Variants in WAC observed in about 807,000 individuals in gnomAD.
WAC encodes WW domain containing adaptor with coiled-coil.
In WAC, 11 loss-of-function variants were observed where a neutral mutation model predicts 79.6. That is an observed-to-expected ratio of 0.14 (90% CI 0.09 to 0.23). WAC has a LOEUF of 0.23. WAC is among the 10% of genes least tolerant of loss of function. The probability of loss-of-function intolerance (pLI) is 1.00; values close to 1 mark genes in which losing one functional copy is unlikely to be tolerated. For missense variants in WAC, 728 were observed against 773.5 expected (o/e 0.94, Z 0.70); for synonymous variants, 304 against 276.9 (o/e 1.10, Z -0.97).
At chr10:28,611,615 G>T (rs1161405157) in intron 9 of WAC, 159 bp from the exon 10 acceptor site, 1 of 1,239,224 alleles carries the variant, frequency 8.1e-7, no homozygotes, top group Non-Finnish European at 1.1e-6. Context: ...CCAGTGAGAA[G>T]GTCAGATTCT....
At chr10:28,608,557 GTTTTGTT>G (rs1363137111) in intron 8 of WAC, 126 bp downstream of exon 8, 1 of 1,123,590 alleles carries the variant, frequency 8.9e-7, no homozygotes. Context: ...ACTTTTTTTT[GTTTTGTT>G]TTTTGTTTTT....
At chr10:28,577,711 G>A (rs1470529526) in intron 3 of WAC, among the ~76,000 whole-genome samples, 1 of 152,122 alleles carries the variant, frequency 6.6e-6, no homozygotes, top group African/African-American at 2.4e-5. Context: ...TAAGTGAAGA[G>A]GGTATGATCA....
At chr10:28,560,367 G>C (rs1264653467) in intron 3 of WAC, among the ~76,000 whole-genome samples, 1 of 152,078 alleles carries the variant, frequency 6.6e-6, no homozygotes, top group Non-Finnish European at 1.5e-5. Flanking sequence ...TCGGGAGTTA[G>C]GAGTGTGTGT....
intron 13 of WAC, among the ~76,000 whole-genome samples, chr10:28,619,140 G>C (rs1271068064): frequency 6.6e-6 from 1 of 152,158 alleles, no homozygotes; most frequent in Non-Finnish European, 1.5e-5. Context: ...TTAGCCGGGC[G>C]TAAGGACAGG....
At chr10:28,566,740 GT>G (rs1417617036) in intron 3 of WAC, among the ~76,000 whole-genome samples, 1 of 152,098 alleles carries the variant, frequency 6.6e-6, no homozygotes, top group East Asian at 1.9e-4. Flanking sequence ...GCCCATTTTT[GT>G]TTTGTAAGTG....
At chr10:28,611,571 C>A in intron 9 of WAC, 6 of 1,276,394 alleles carry the variant, frequency 4.7e-6, no homozygotes, top group Non-Finnish European at 6.3e-6. Flanking sequence ...GGTGTGCTTA[C>A]CTCTGAACAC....
At chr10:28,575,773 T>G (rs751679387) in intron 3 of WAC, among the ~76,000 whole-genome samples, 2 of 152,244 alleles carry the variant, frequency 1.3e-5, no homozygotes, top group Non-Finnish European at 2.9e-5. Context: ...CTTTTCACTT[T>G]CTGGTAGTGT....
rs1420781170 is a variant in WAC, at chr10:28,608,790, T to TA, written c.1165+365dup. On this transcript the variant is annotated intron_variant, in intron 8 of 13. Transcript: ENST00000354911. ...GGTATTAAAACTTCTGGTATGTTTC[T>TA]AAAAAACCTGTATAAATAATTACTC... is the stretch of plus-strand genomic sequence containing the variant. Among the ~76,000 whole-genome samples the TA allele has an allele frequency of 9.9e-5, 15 of 152,272 alleles. 1 individual carries two copies. The highest frequency in any genetic ancestry group is 9.8e-4 in the Admixed American group (15 of 15,292).
chr10:28,586,575 A>G (rs939390710), intron 4 of WAC, among the ~76,000 whole-genome samples: 7 of 152,126 alleles, frequency 4.6e-5, no homozygotes, highest in Non-Finnish European at 8.8e-5. Flanking sequence ...GGTCCCAACT[A>G]CTTGGAAGGC....
In WAC at chr10:28,559,718, T is replaced by C. The variant is rs573302995; in HGVS notation, c.275-23681T>C. On this transcript the variant is annotated intron_variant, in intron 3 of 13. Transcript: ENST00000354911. Reference sequence around the variant, plus strand: ...GTTAAGGTGTCCAGCATATCATTGTTAGGTTAATTTACGGCTACTTGGTGT... The same window carrying C: ...GTTAAGGTGTCCAGCATATCATTGTCAGGTTAATTTACGGCTACTTGGTGT... Among the ~76,000 whole-genome samples, 53 of 152,290 alleles carry C rather than the reference T, an allele frequency of 3.5e-4. No individual in the cohort carries two copies. In the East Asian group the frequency reaches 6.8e-3, roughly 19 times the overall value.
intron 1 of WAC, 175 bp from the exon 2 acceptor site, chr10:28,533,822 CG>C: frequency 1.0e-6 from 1 of 1,001,562 alleles, no homozygotes; most frequent in Non-Finnish European, 1.4e-6. Context: ...CGCGGCATTT[CG>C]CCCTCTCCGG....
At chr10:28,581,140 T>C (rs1436879898) in intron 3 of WAC, among the ~76,000 whole-genome samples, 1 of 152,060 alleles carries the variant, frequency 6.6e-6, no homozygotes, top group Non-Finnish European at 1.5e-5. Context: ...AGGTACTCTT[T>C]GCCTTGCATG....
At chr10:28,595,472 T>C (rs1840312457) in intron 6 of WAC, among the ~76,000 whole-genome samples, 1 of 152,100 alleles carries the variant, frequency 6.6e-6, no homozygotes, top group Non-Finnish European at 1.5e-5. Context: ...AAGGAATCCT[T>C]AAAAAATGTG....
chr10:28,556,388 ATTTTTTTTT>A (rs764934182), intron 3 of WAC, among the ~76,000 whole-genome samples: 758 of 55,120 alleles, frequency 0.014, 17 homozygotes, highest in African/African-American at 0.043. Flanking sequence ...TGCCCATTAA[ATTTTTTTTT>A]TTTTTTTTTT....
intron 3 of WAC, among the ~76,000 whole-genome samples, chr10:28,552,624 C>A (rs1366514175): frequency 6.6e-6 from 1 of 152,084 alleles, no homozygotes; most frequent in African/African-American, 2.4e-5. Flanking sequence ...ATAGTCAGAA[C>A]TCTTTGAATA....
At chr10:28,596,670 A>C (rs575988108) in intron 7 of WAC, among the ~76,000 whole-genome samples, 1 of 152,340 alleles carries the variant, frequency 6.6e-6, no homozygotes, top group Admixed American at 6.5e-5. Context: ...GCAGTGTGAT[A>C]AAATTTGCAT....
At chr10:28,559,510 T>C (rs1838193201) in intron 3 of WAC, among the ~76,000 whole-genome samples, 1 of 152,128 alleles carries the variant, frequency 6.6e-6, no homozygotes. Flanking sequence ...AGATTTCCTT[T>C]GGACCAAGGT....
intron 7 of WAC, among the ~76,000 whole-genome samples, chr10:28,597,904 G>A (rs760519111): frequency 1.4e-4 from 21 of 151,968 alleles, no homozygotes; most frequent in African/African-American, 4.4e-4. Flanking sequence ...AAAATCTTTC[G>A]TGGAGATTTC....
intron 3 of WAC, among the ~76,000 whole-genome samples, chr10:28,577,231 G>A (rs868851023): frequency 6.6e-6 from 1 of 152,098 alleles, no homozygotes; most frequent in Non-Finnish European, 1.5e-5. Context: ...GTATTGGTTC[G>A]TGTGTACAAA....
Sources: allele counts gnomAD v4.1 joint callset (sites outside exome capture counted in the v4.1 genomes callset), GRCh38; gene constraint gnomAD v4.1.1; transcripts MANE v1.5; gene names NCBI Gene and HGNC (gene_info 2026-07-23, HGNC 2026-07-21).